Variants in CPQ observed in about 807,000 individuals in gnomAD.
The protein encoded by CPQ is carboxypeptidase Q.
A neutral mutation model predicts 45.7 loss-of-function variants in CPQ; 37 were observed. That is an observed-to-expected ratio of 0.81 (90% confidence interval 0.62 to 1.07). The LOEUF is 1.07. Among genes scored for constraint, CPQ ranks in the 50% least tolerant of loss-of-function variants. CPQ has a pLI of 0.00. For synonymous variants in CPQ, 186 were observed against 205.8 expected (o/e 0.90, Z 0.82); for missense variants, 537 against 572.9 (o/e 0.94, Z 0.64).
intron 5 of CPQ, among the ~76,000 whole-genome samples, chr8:96,999,110 A>G (rs966317576): frequency 1.2e-4 from 18 of 151,974 alleles, no homozygotes; most frequent in Admixed American, 1.2e-3. Flanking sequence ...GCTTAGTTAG[A>G]GAAACTGATT....
intron 7 of CPQ, among the ~76,000 whole-genome samples, chr8:97,138,113 T>C (rs1812095459): frequency 6.6e-6 from 1 of 152,286 alleles, no homozygotes; most frequent in Middle Eastern, 3.4e-3. Context: ...TTCTCATTCA[T>C]CCTCCCAACC....
chr8:96,782,260 G>A (rs1810696954), intron 1 of CPQ, among the ~76,000 whole-genome samples: 1 of 152,200 alleles, frequency 6.6e-6, no homozygotes, highest in Non-Finnish European at 1.5e-5. Flanking sequence ...TCCACAGCTT[G>A]TGAACTCTGT....
intron 3 of CPQ, 48 bp downstream of exon 3, chr8:96,835,228 CGTGAAGGAA>C (rs1811515089): frequency 4.4e-6 from 6 of 1,362,622 alleles, no homozygotes; most frequent in Non-Finnish European, 5.8e-6. Context: ...AAGGGTTTTC[CGTGAAGGAA>C]AAGTCCTTAT....
In CPQ at chr8:96,760,189, C is replaced by T. The variant is rs531325646; in HGVS notation, c.-34-24675C>T. On this transcript the variant is annotated intron_variant, in intron 1 of 7. Transcript: ENST00000220763. ...CGAGCTCTCCTTGTGACTCCTATGG[C>T]TCTGGGGCATATTGCCAGAGGTAAA... Among the ~76,000 whole-genome samples the T allele has an allele frequency of 2.6e-4, 40 of 152,282 alleles. 1 individual carries two copies. In the South Asian group the frequency reaches 8.3e-3, roughly 32 times the overall value.
At chr8:96,727,500 T>C (rs1337159398) in intron 1 of CPQ, among the ~76,000 whole-genome samples, 2 of 152,220 alleles carry the variant, frequency 1.3e-5, no homozygotes, top group Non-Finnish European at 2.9e-5. Context: ...TCTGTGGCAG[T>C]ACCACCTTGA....
intron 1 of CPQ, among the ~76,000 whole-genome samples, chr8:96,777,993 GC>G (rs760671361): frequency 6.0e-4 from 91 of 151,030 alleles, no homozygotes; most frequent in Admixed American, 1.6e-3. Context: ...CTCCCAAAGT[GC>G]TGGGATTACA....
At chr8:96,859,089 T>C (rs920331317) in intron 3 of CPQ, among the ~76,000 whole-genome samples, 1 of 152,246 alleles carries the variant, frequency 6.6e-6, no homozygotes, top group African/African-American at 2.4e-5. Flanking sequence ...TGATGCTCCA[T>C]AGGTTTACCT....
chr8:97,081,110 T>C (rs1415348662), intron 7 of CPQ, among the ~76,000 whole-genome samples: 2 of 152,196 alleles, frequency 1.3e-5, no homozygotes, highest in Admixed American at 6.5e-5. Flanking sequence ...AAAATCTACA[T>C]TTTTACAGAA....
At chr8:97,016,504 A>G (rs1353677985) in intron 5 of CPQ, among the ~76,000 whole-genome samples, 3 of 152,204 alleles carry the variant, frequency 2.0e-5, no homozygotes, top group Non-Finnish European at 2.9e-5. Flanking sequence ...TTATTCAGCA[A>G]TTGTCAAATG....
intron 6 of CPQ, among the ~76,000 whole-genome samples, chr8:97,053,081 C>T (rs940225464): frequency 1.3e-5 from 2 of 152,142 alleles, no homozygotes; most frequent in Admixed American, 6.5e-5. Flanking sequence ...TCTTCACCAC[C>T]ACCACCATCA....
At chr8:96,769,840 CCA>C (rs1284658291) in intron 1 of CPQ, among the ~76,000 whole-genome samples, 1 of 151,870 alleles carries the variant, frequency 6.6e-6, no homozygotes, top group Non-Finnish European at 1.5e-5. Flanking sequence ...TGGGGTTTCA[CCA>C]CTGTTTCTTA....
At chr8:96,862,851 A>G (rs1811944933) in intron 3 of CPQ, among the ~76,000 whole-genome samples, 1 of 152,050 alleles carries the variant, frequency 6.6e-6, no homozygotes, top group Non-Finnish European at 1.5e-5. Flanking sequence ...TGGCTGGCCC[A>G]CCTTCTTCTT....
chr8:96,652,404 T>A (rs1815586709), intron 1 of CPQ, among the ~76,000 whole-genome samples: 1 of 152,238 alleles, frequency 6.6e-6, no homozygotes, highest in Admixed American at 6.5e-5. Flanking sequence ...ATTCTATAAT[T>A]TGGCTATTGT....
intron 1 of CPQ, among the ~76,000 whole-genome samples, chr8:96,775,672 GTTACA>G (rs1183894642): frequency 6.6e-6 from 1 of 152,216 alleles, no homozygotes; most frequent in Non-Finnish European, 1.5e-5. Context: ...ACACAATAGA[GTTACA>G]TTCAAGGCCA....
At chr8:96,866,513 T>G (rs1811999038) in intron 3 of CPQ, among the ~76,000 whole-genome samples, 1 of 152,130 alleles carries the variant, frequency 6.6e-6, no homozygotes, top group Admixed American at 6.6e-5. Flanking sequence ...GAGAATTGAT[T>G]AAATATTTGA....
chr8:97,012,067 C>G (rs73281726), intron 5 of CPQ, among the ~76,000 whole-genome samples: 3,403 of 152,162 alleles, frequency 0.022, 135 homozygotes, highest in African/African-American at 0.076. Flanking sequence ...AACTTTTTAC[C>G]CTTTTTGTCC....
intron 4 of CPQ, among the ~76,000 whole-genome samples, chr8:96,922,890 G>T (rs1240039581): frequency 2.0e-5 from 3 of 152,066 alleles, no homozygotes; most frequent in Non-Finnish European, 4.4e-5. Flanking sequence ...GACCATTGTG[G>T]TGTGCAGTGG....
At chr8:96,906,886 T>C (rs1812586211) in intron 4 of CPQ, among the ~76,000 whole-genome samples, 1 of 152,044 alleles carries the variant, frequency 6.6e-6, no homozygotes, top group Non-Finnish European at 1.5e-5. Flanking sequence ...TTCTAGAAAG[T>C]CAAACAATAG....
In CPQ at chr8:96,830,755, C is replaced by T. The variant is rs1390320800; in HGVS notation, c.434-4218C>T. ...CTAGTGTGATTAACAGCACCCTGAT[C>T]GATGAGCAAGATTCTTACAGATTAA... is the stretch of plus-strand genomic sequence containing the variant. On this transcript the variant is annotated intron_variant, in intron 2 of 7. Coordinates refer to ENST00000220763, the MANE Select transcript of CPQ (RefSeq NM_016134.4). Among the ~76,000 whole-genome samples the T allele has an allele frequency of 2.0e-5, 3 of 152,066 alleles. 1 individual carries two copies. The South Asian group carries it at 6.2e-4, about 32-fold the overall frequency.
Sources: allele counts gnomAD v4.1 joint callset (sites outside exome capture counted in the v4.1 genomes callset), GRCh38; gene constraint gnomAD v4.1.1; transcripts MANE v1.5; gene names NCBI Gene and HGNC (gene_info 2026-07-23, HGNC 2026-07-21).